The following MGAT4C variants were observed in gnomAD, a reference collection of about 807,000 sequenced individuals.
MGAT4C encodes the protein MGAT4 family member C.
In MGAT4C, 19 loss-of-function variants were observed where a neutral mutation model predicts 40.1. That is an observed-to-expected ratio of 0.47 (90% confidence interval 0.33 to 0.70). The LOEUF (loss-of-function observed/expected upper bound fraction) is 0.70. MGAT4C is among the 30% of genes least tolerant of loss of function. MGAT4C has a pLI of 0.02. For missense variants in MGAT4C, 491 were observed against 563.2 expected, an observed-to-expected ratio of 0.87 and a Z score of 1.30; for synonymous variants, 181 against 187.1, an observed-to-expected ratio of 0.97 and a Z score of 0.27.
intron 2 of MGAT4C, among the ~76,000 whole-genome samples, chr12:86,455,835 C>G (rs976458380): frequency 6.6e-6 from 1 of 151,958 alleles, no homozygotes; most frequent in East Asian, 1.9e-4. Context: ...TACCATTATT[C>G]GCAAGGTCTG....
At chr12:86,335,798 A>G (rs1954774034) in intron 3 of MGAT4C, among the ~76,000 whole-genome samples, 1 of 152,114 alleles carries the variant, frequency 6.6e-6, no homozygotes, top group African/African-American at 2.4e-5. Flanking sequence ...TACTGACATT[A>G]AGGCACCAAA....
intron 3 of MGAT4C, among the ~76,000 whole-genome samples, chr12:86,389,453 T>C (rs1256040561): frequency 1.3e-5 from 2 of 152,108 alleles, no homozygotes; most frequent in African/African-American, 4.8e-5. Context: ...ATTGATGGGG[T>C]ATTTAGGTTG....
intron 1 of MGAT4C, among the ~76,000 whole-genome samples, chr12:86,742,708 A>T (rs1198777166): frequency 6.6e-6 from 1 of 151,518 alleles, no homozygotes; most frequent in East Asian, 1.9e-4. Flanking sequence ...GAAAAATGGC[A>T]AACACTCCTT....
chr12:86,153,502 C>T (rs1884549167), intron 1 of MGAT4C, among the ~76,000 whole-genome samples: 1 of 152,100 alleles, frequency 6.6e-6, no homozygotes, highest in South Asian at 2.1e-4. Flanking sequence ...CAAATGGGTC[C>T]ATGATATGGT....
chr12:86,420,784 T>TAC (rs1956806438), intron 3 of MGAT4C, among the ~76,000 whole-genome samples: 1 of 148,906 alleles, frequency 6.7e-6, no homozygotes, highest in Non-Finnish European at 1.5e-5. Context: ...GACATATATA[T>TAC]ATATATATAT....
chr12:86,481,095 T>C (rs1957929927), intron 2 of MGAT4C, among the ~76,000 whole-genome samples: 1 of 152,022 alleles, frequency 6.6e-6, no homozygotes, highest in South Asian at 2.1e-4. Context: ...CAATGAGGGA[T>C]ATCTAAATGT....
intron 2 of MGAT4C, among the ~76,000 whole-genome samples, chr12:86,626,439 C>A (rs1593056445): frequency 6.6e-6 from 1 of 152,062 alleles, no homozygotes; most frequent in African/African-American, 2.4e-5. Context: ...AATCAGACAA[C>A]CTTAATATGT....
At chr12:86,385,000 T>A (rs1034403089) in intron 3 of MGAT4C, among the ~76,000 whole-genome samples, 1 of 152,350 alleles carries the variant, frequency 6.6e-6, no homozygotes, top group African/African-American at 2.4e-5. Flanking sequence ...CCTAGATTCA[T>A]TCAAATAGCA....
chr12:86,424,300 A>G (rs1202177616), intron 3 of MGAT4C, among the ~76,000 whole-genome samples: 1 of 152,154 alleles, frequency 6.6e-6, no homozygotes, highest in Admixed American at 6.5e-5. Context: ...CTTTCTCTTT[A>G]GATTTTTGTC....
At chr12:86,774,286 T>TCTTC (rs1565981241) in intron 1 of MGAT4C, among the ~76,000 whole-genome samples, 12 of 19,860 alleles carry the variant, frequency 6.0e-4, no homozygotes, top group Non-Finnish European at 1.5e-4. Context: ...GCTTGCTCTT[T>TCTTC]CTTTCTTTCT....
chr12:86,491,661 T>G (rs1490952547), intron 2 of MGAT4C, among the ~76,000 whole-genome samples: 1 of 151,720 alleles, frequency 6.6e-6, no homozygotes, highest in Non-Finnish European at 1.5e-5. Flanking sequence ...TAATAAGAGC[T>G]ATCTATGACA....
At chr12:86,413,098 A>G (rs1956637888) in intron 3 of MGAT4C, among the ~76,000 whole-genome samples, 1 of 152,090 alleles carries the variant, frequency 6.6e-6, no homozygotes, top group Admixed American at 6.6e-5. Flanking sequence ...TTCCAATTAA[A>G]CAAAATTTTA....
chr12:86,302,179 G>A (rs1234824720), intron 4 of MGAT4C, among the ~76,000 whole-genome samples: 5 of 150,740 alleles, frequency 3.3e-5, no homozygotes, highest in South Asian at 4.2e-4. Flanking sequence ...CAAACTTTAC[G>A]GCAATAGAAA....
intron 4 of MGAT4C, among the ~76,000 whole-genome samples, chr12:86,266,728 C>T (rs578250919): frequency 6.6e-6 from 1 of 152,028 alleles, no homozygotes; most frequent in South Asian, 2.1e-4. Flanking sequence ...TTCTTCATAC[C>T]TTTGGTAGAA....
intron 1 of MGAT4C, among the ~76,000 whole-genome samples, chr12:86,126,652 T>C (rs1232175413): frequency 6.6e-6 from 1 of 152,144 alleles, no homozygotes; most frequent in Non-Finnish European, 1.5e-5. Context: ...AAAGATAAAC[T>C]CAAAACTATG....
rs138186656 is a variant in MGAT4C at position 86,528,057 on chromosome 12, T to C, written c.-228-92792A>G. On this transcript the variant is annotated intron_variant, in intron 2 of 7. Transcript: ENST00000548651. Reference sequence around the variant, plus strand: ...AAGTATATATCTTATCATGTGTGAATTATAGTTCATTAAAGCTGATTAAAG... The same window carrying C: ...AAGTATATATCTTATCATGTGTGAACTATAGTTCATTAAAGCTGATTAAAG... 3.3e-3 allele frequency among the ~76,000 whole-genome samples: 510 copies of C among 152,270 alleles called. 1 individual carries two copies. Among genetic ancestry groups the C allele is most frequent in the African/African-American group, 0.012 (493 of 41,570 alleles).
chr12:86,670,114 G>A (rs1813079975), intron 2 of MGAT4C, among the ~76,000 whole-genome samples: 1 of 151,990 alleles, frequency 6.6e-6, no homozygotes, highest in Admixed American at 6.5e-5. Flanking sequence ...GTTTCCAAAT[G>A]AGAATGAACC....
intron 1 of MGAT4C, among the ~76,000 whole-genome samples, chr12:86,093,015 C>G (rs1398608233): frequency 1.3e-5 from 2 of 152,046 alleles, no homozygotes; most frequent in South Asian, 2.1e-4. Flanking sequence ...AGCTCCCCAC[C>G]CCTTGACAGA....
chr12:86,545,345 A>G (rs1432308971), intron 2 of MGAT4C, among the ~76,000 whole-genome samples: 2 of 152,054 alleles, frequency 1.3e-5, no homozygotes, highest in African/African-American at 4.8e-5. Context: ...AAAATGCTTA[A>G]TATGAAATGG....
Sources: gnomAD v4.1 joint callset for allele counts (sites outside exome capture counted in the v4.1 genomes callset) on GRCh38, gnomAD v4.1.1 for gene constraint, MANE v1.5 for transcripts, NCBI Gene and HGNC (gene_info 2026-07-23, HGNC 2026-07-21) for gene names.